The following GABPA variants were observed in gnomAD, a reference collection of about 807,000 sequenced individuals.
GABPA encodes the protein GA-binding protein alpha chain.
In GABPA, 4 loss-of-function variants were observed where a neutral mutation model predicts 59.4. That is an observed-to-expected ratio of 0.07 (90% CI 0.03 to 0.15). The LOEUF (loss-of-function observed/expected upper bound fraction) is 0.15, where lower values mean the gene tolerates loss of function less well. Among genes scored for constraint, GABPA ranks in the 10% least tolerant of loss-of-function variants. The pLI is 1.00. For synonymous variants in GABPA, 164 were observed against 183.1 expected, an observed-to-expected ratio of 0.90 and a Z score of 0.84; for missense variants, 251 against 543.8, an observed-to-expected ratio of 0.46 and a Z score of 5.36.
Position 25,749,113 on chromosome 21 carries a change from T to C in GABPA, c.300T>C (p.Ser100=). 1.3e-6 allele frequency: 2 copies of C among 1,558,676 alleles called. No homozygotes were observed. The highest frequency in any genetic ancestry group is 1.1e-5 in the South Asian group (1 of 87,676). ...GTVQLSVQVI[S]YQGIEPKLNI... ...TACAGCTTAGTGTACAGGTAATTTC[T>C]TACCAAGGTAAGTTACTTTTCATGA... The change falls in exon 4 of 10, where the codon TCT becomes TCC. Residue 100 remains serine, a synonymous_variant. Transcript: ENST00000400075.
Position 25,760,981 on chromosome 21 carries a change from G to C in GABPA, c.749-1331G>C, listed in dbSNP as rs566011763. On this transcript the variant is annotated intron_variant, in intron 6 of 9. Transcript: ENST00000400075. Reference sequence around the variant, plus strand: ...GATTTTACAAGTTGATTATGCCTGTGCTGTGTGATGGTGATGCTTTCGTTT... The same window carrying C: ...GATTTTACAAGTTGATTATGCCTGTCCTGTGTGATGGTGATGCTTTCGTTT... Among the ~76,000 whole-genome samples, 3 of 152,242 alleles carry C rather than the reference G, an allele frequency of 2.0e-5. No homozygotes were observed. In the East Asian group the frequency reaches 5.8e-4, roughly 29 times the overall value.
intron 1 of GABPA, among the ~76,000 whole-genome samples, chr21:25,736,422 A>C (rs1157990035): frequency 6.6e-6 from 1 of 152,180 alleles, no homozygotes; most frequent in Non-Finnish European, 1.5e-5. Context: ...CTTCAGAAGA[A>C]ACCGCTCAAC....
rs1302028718 is a variant in GABPA, at chr21:25,735,291, T to C, written c.-314T>C. The C allele has an allele frequency of 8.1e-6, 3 of 372,588 alleles. No individual in the cohort carries two copies. The highest frequency in any genetic ancestry group is 8.2e-5 in the Admixed American group (2 of 24,446). 23.1% of individuals were successfully genotyped at this position (372,588 alleles called of 1,614,324 possible). A position where few individuals can be genotyped will look rare whatever the true frequency, so the allele number is the denominator to read the frequency against. ...GTGAGACTGTGTAAAACAAAGCGGA[T>C]TGGGGCGTTGTGCTTCCTTGTACCT... On this transcript the variant is annotated 5_prime_UTR_variant, in exon 1 of 10. Transcript: ENST00000400075.
chr21:25,743,998 C>T (rs761909173), intron 2 of GABPA, among the ~76,000 whole-genome samples: 14 of 145,236 alleles, frequency 9.6e-5, no homozygotes, highest in Non-Finnish European at 1.6e-4. Flanking sequence ...GAGCCAAGAT[C>T]GCGCCACTGC....
chr21:25,763,582 C>T (rs2035816826), intron 7 of GABPA, among the ~76,000 whole-genome samples: 1 of 152,108 alleles, frequency 6.6e-6, no homozygotes. Flanking sequence ...TAATCGTAAA[C>T]ACTGTATAGC....
intron 1 of GABPA, among the ~76,000 whole-genome samples, chr21:25,736,380 G>A (rs1341351413): frequency 1.7e-4 from 26 of 152,222 alleles, no homozygotes; most frequent in African/African-American, 6.3e-4. Context: ...GAACGAGGCG[G>A]TGATAACATT....
intron 7 of GABPA, among the ~76,000 whole-genome samples, chr21:25,762,645 A>G (rs1487273900): frequency 6.6e-6 from 1 of 152,184 alleles, no homozygotes; most frequent in East Asian, 1.9e-4. Context: ...ACCAAGTTGT[A>G]AGAACAATTC....
chr21:25,739,257 C>T (rs932182890), intron 1 of GABPA, among the ~76,000 whole-genome samples: 1 of 152,188 alleles, frequency 6.6e-6, no homozygotes, highest in Non-Finnish European at 1.5e-5. Flanking sequence ...ATATTGAGAA[C>T]TTAGGAGAGT....
intron 1 of GABPA, among the ~76,000 whole-genome samples, chr21:25,738,994 G>T (rs1414512632): frequency 6.6e-6 from 1 of 152,128 alleles, no homozygotes; most frequent in East Asian, 1.9e-4. Flanking sequence ...TGGAGCCTGC[G>T]CATTCTGCTA....
At chr21:25,738,924 G>GA (rs533150942) in intron 1 of GABPA, among the ~76,000 whole-genome samples, 6,144 of 144,340 alleles carry the variant, frequency 0.043, 391 homozygotes, top group African/African-American at 0.14. Flanking sequence ...GCATCAGCAA[G>GA]AAAAAAAAAA....
At position 25,745,466 on chromosome 21, in the gene GABPA, C is replaced by T. The variant is rs146854209; in HGVS notation, c.222+112C>T. The T allele has an allele frequency of 5.0e-4, 443 of 886,806 alleles. 2 individuals are homozygous for T. The African/African-American group carries it at 5.9e-3, about 12-fold the overall frequency. The allele number at this position is 886,806 out of a possible 1,614,324, so 54.9% of individuals were successfully genotyped here. On this transcript the variant is annotated intron_variant, in intron 3 of 9. Coordinates refer to ENST00000400075, the MANE Select transcript of GABPA (RefSeq NM_002040.4). ...CTTTATCTCTGTAAGAAGATTTGAC[C>T]TGTATTACTGTAAAATTTAAGTGTT...
intron 1 of GABPA, among the ~76,000 whole-genome samples, chr21:25,740,233 G>A (rs1401770671): frequency 2.0e-5 from 3 of 152,238 alleles, no homozygotes; most frequent in Non-Finnish European, 4.4e-5. Context: ...TCTATGCAAA[G>A]CATTTGAATG....
chr21:25,766,733 A>G (rs1003221280), intron 9 of GABPA, among the ~76,000 whole-genome samples: 1 of 151,934 alleles, frequency 6.6e-6, no homozygotes, highest in African/African-American at 2.4e-5. Context: ...GAATGCTTCT[A>G]CCCTTTTGAT....
chr21:25,758,129 C>T lies in GABPA; in HGVS notation c.673C>T (p.Leu225Phe). 1.2e-6 allele frequency: 2 copies of T among 1,611,008 alleles called. No individual in the cohort carries two copies. Among genetic ancestry groups the T allele is most frequent in the Non-Finnish European group, 1.7e-6 (2 of 1,178,742 alleles). The change falls in exon 6 of 10, where the codon CTC becomes TTC. Residue 225 changes from leucine (L) to phenylalanine (F), a missense_variant. Physicochemically the swap from Leu to Phe is conservative, Grantham distance 22. Around this residue, in one of 4 missense-constraint regions of GABPA, gnomAD observed 207 missense variants for 366.7 expected, o/e 0.56. Transcript: ENST00000400075. ...LNISGRELCS[L>F]NQEDFFQRVP... ...CATTTCGGGGAGAGAATTATGTAGT[C>T]TCAACCAAGAAGATTTTTTTCAGCG...
At chr21:25,751,961 T>C (rs764575293) in intron 4 of GABPA, 28 bp from the exon 5 acceptor site, 1 of 1,602,672 alleles carries the variant, frequency 6.2e-7, no homozygotes, top group Non-Finnish European at 8.5e-7. Context: ...TCATTTAGAT[T>C]TACAATTTTT....
chr21:25,762,004 C>T (rs1452279109), intron 6 of GABPA, among the ~76,000 whole-genome samples: 1 of 152,116 alleles, frequency 6.6e-6, no homozygotes, highest in Non-Finnish European at 1.5e-5. Flanking sequence ...CATATTTTTA[C>T]ATGGCTTTAT....
At chr21:25,763,425 A>G (rs2035812939) in intron 7 of GABPA, 1 of 203,392 alleles carries the variant, frequency 4.9e-6, no homozygotes, top group Non-Finnish European at 9.9e-6. Context: ...AAGAAAGTAT[A>G]ACTAACACCT....
rs560435851 is a variant in GABPA, at chr21:25,738,214, C to T, written c.-27+2636C>T. On this transcript the variant is annotated intron_variant, in intron 1 of 9. Transcript: ENST00000400075. ...CGTTATTTAATTTTCTGACATTTGC[C>T]GCCGCCGCCGCCCCCTGCCCCCAAC... is the stretch of plus-strand genomic sequence containing the variant. Among the ~76,000 whole-genome samples, 6 of 152,182 alleles carry T rather than the reference C, an allele frequency of 3.9e-5. No individual in the cohort carries two copies. The East Asian group carries it at 9.7e-4, about 24-fold the overall frequency.
intron 4 of GABPA, among the ~76,000 whole-genome samples, chr21:25,751,323 A>G (rs1464404710): frequency 6.6e-6 from 1 of 151,256 alleles, no homozygotes; most frequent in Non-Finnish European, 1.5e-5. Context: ...CAGAATTTTG[A>G]TTTAATTCTG....
Sources: gnomAD v4.1 joint callset for allele counts (sites outside exome capture counted in the v4.1 genomes callset) on GRCh38, gnomAD v4.1.1 for gene constraint, gnomAD v4.1.1 regional missense constraint, MANE v1.5 for transcripts, NCBI Gene and HGNC (gene_info 2026-07-23, HGNC 2026-07-21) for gene names.